QTGAL: variants seen among roughly 807,000 people sequenced by gnomAD.
The protein encoded by QTGAL is BGnT-like protein 1.
At chr17:82,996,478 C>T in the QTGAL span, among the ~76,000 whole-genome samples, 4 of 149,682 alleles carry the variant, frequency 2.7e-5, no homozygotes, top group South Asian at 2.1e-4. Context: ...GCCGAGAACG[C>T]GCGACTGCAC....
chr17:82,957,065 C>A, the QTGAL span: 1 of 1,426,820 alleles, frequency 7.0e-7, no homozygotes. Flanking sequence ...CTGGAGGCCC[C>A]GAGGAGCCAG....
chr17:82,962,039 T>C, the QTGAL span, among the ~76,000 whole-genome samples: 3 of 152,136 alleles, frequency 2.0e-5, no homozygotes, highest in African/African-American at 7.2e-5. Context: ...GCAGCTCACC[T>C]GGGTCAGCCG....
At chr17:82,942,650 G>A in the QTGAL span, 17 of 677,342 alleles carry the variant, frequency 2.5e-5, no homozygotes, top group Non-Finnish European at 4.1e-5. Context: ...TGGGGTGGAC[G>A]CCTCTGCCTT....
chr17:83,037,686 C>T, the QTGAL span, among the ~76,000 whole-genome samples: 10 of 152,174 alleles, frequency 6.6e-5, no homozygotes, highest in Non-Finnish European at 1.2e-4. This position sits in a 1 kb window ranked among gnomAD's most constrained non-coding sequence, Gnocchi z 5.2. Flanking sequence ...GGGCCTTCCA[C>T]GAGGCACACT....
the QTGAL span, among the ~76,000 whole-genome samples, chr17:83,023,843 C>T: frequency 2.6e-5 from 4 of 152,224 alleles, no homozygotes; most frequent in East Asian, 7.7e-4. Context: ...TGGGCCGATG[C>T]TTCTGTAACA....
the QTGAL span, among the ~76,000 whole-genome samples, chr17:83,028,748 C>G: frequency 2.0e-5 from 3 of 152,184 alleles, no homozygotes; most frequent in Non-Finnish European, 4.4e-5. Flanking sequence ...ACCTTTCCCT[C>G]TGATGTGCCA....
the QTGAL span, among the ~76,000 whole-genome samples, chr17:82,959,278 T>G: frequency 6.6e-6 from 1 of 151,900 alleles, no homozygotes; most frequent in East Asian, 1.9e-4. Context: ...TGAGGGCCTG[T>G]GCATGCAGTA....
chr17:82,960,640 G>A, the QTGAL span, among the ~76,000 whole-genome samples: 65 of 152,268 alleles, frequency 4.3e-4, no homozygotes, highest in African/African-American at 1.3e-3. Context: ...CACTGGGCGC[G>A]TCCTCACTGG....
the QTGAL span, among the ~76,000 whole-genome samples, chr17:83,028,079 C>G: frequency 4.6e-5 from 7 of 152,244 alleles, no homozygotes; most frequent in Non-Finnish European, 8.8e-5. Flanking sequence ...CCACTGCACT[C>G]CAGCCTGAGC....
the QTGAL span, among the ~76,000 whole-genome samples, chr17:82,998,250 T>G: frequency 6.6e-6 from 1 of 152,146 alleles, no homozygotes; most frequent in African/African-American, 2.4e-5. Flanking sequence ...GTACTTACTA[T>G]GTACCCACAA....
the QTGAL span, among the ~76,000 whole-genome samples, chr17:82,989,310 A>T: frequency 6.6e-6 from 1 of 151,804 alleles, no homozygotes; most frequent in East Asian, 1.9e-4. Context: ...ACATATGGAC[A>T]CGGGGGGAAC....
the QTGAL span, among the ~76,000 whole-genome samples, chr17:83,040,012 G>T: frequency 1.3e-5 from 2 of 152,160 alleles, no homozygotes; most frequent in Admixed American, 6.5e-5. Flanking sequence ...CTTGAAATAC[G>T]TCATAGCTGT....
At chr17:82,970,560 C>T in the QTGAL span, among the ~76,000 whole-genome samples, 21,744 of 84,648 alleles carry the variant, frequency 0.26, 4,479 homozygotes, top group East Asian at 0.42. Context: ...GGCGTGGCCG[C>T]GACCTCCGCA....
chr17:82,997,018 C>T, the QTGAL span, among the ~76,000 whole-genome samples: 1 of 152,174 alleles, frequency 6.6e-6, no homozygotes, highest in Non-Finnish European at 1.5e-5. Context: ...CCCACAAGCA[C>T]AGGCAACCAA....
At chr17:82,950,479 A>G in the QTGAL span, among the ~76,000 whole-genome samples, 1 of 152,132 alleles carries the variant, frequency 6.6e-6, no homozygotes, top group African/African-American at 2.4e-5. Context: ...GAAAAACTAA[A>G]CCAGATTCGT....
the QTGAL span, chr17:83,014,667 C>T: frequency 1.5e-4 from 124 of 831,180 alleles, no homozygotes; most frequent in Middle Eastern, 7.2e-4. Flanking sequence ...CTGATCCTCT[C>T]GCCTCAGCCT....
At chr17:83,028,246 C>A in the QTGAL span, among the ~76,000 whole-genome samples, 32,120 of 152,016 alleles carry the variant, frequency 0.21, 3,495 homozygotes, top group Non-Finnish European at 0.24. Context: ...CTCACCAGGC[C>A]GGGCGCGGTG....
the QTGAL span, among the ~76,000 whole-genome samples, chr17:82,970,779 A>C: frequency 6.6e-6 from 1 of 152,286 alleles, no homozygotes; most frequent in Admixed American, 6.5e-5. Context: ...TGAAATACAC[A>C]TGACATTCTG....
At chr17:82,991,485 T>C in the QTGAL span, among the ~76,000 whole-genome samples, 1 of 152,222 alleles carries the variant, frequency 6.6e-6, no homozygotes, top group African/African-American at 2.4e-5. Flanking sequence ...CCTTGCCTTC[T>C]GCCATGATTG....
Sources: allele counts gnomAD v4.1 joint callset (sites outside exome capture counted in the v4.1 genomes callset), GRCh38; gene constraint gnomAD v4.1.1; non-coding constraint Gnocchi (gnomAD v3.1); transcripts MANE v1.5; gene names NCBI Gene and HGNC (gene_info 2026-07-23, HGNC 2026-07-21).